PARD3: variants seen among roughly 807,000 people sequenced by gnomAD.
The protein encoded by PARD3 is par-3 family cell polarity regulator.
In PARD3, 75 loss-of-function variants were observed where a neutral mutation model predicts 155.4. That is an observed-to-expected ratio of 0.48 (90% confidence interval 0.40 to 0.58). The LOEUF (loss-of-function observed/expected upper bound fraction) is 0.58. Among genes scored for constraint, PARD3 ranks in the 20% least tolerant of loss-of-function variants. PARD3 has a pLI of 0.00. For synonymous variants in PARD3, 576 were observed against 610.5 expected, an observed-to-expected ratio of 0.94 and a Z score of 0.83; for missense variants, 1,642 against 1,721.7, an observed-to-expected ratio of 0.95 and a Z score of 0.82.
At chr10:34,773,516 G>A (rs1355379255) in intron 1 of PARD3, among the ~76,000 whole-genome samples, 1 of 152,194 alleles carries the variant, frequency 6.6e-6, no homozygotes, top group Admixed American at 6.5e-5. Flanking sequence ...CATTTTTGTA[G>A]ATCTTGATAA....
chr10:34,606,158 G>A (rs2090406551), intron 2 of PARD3, among the ~76,000 whole-genome samples: 2 of 1,314 alleles, frequency 1.5e-3, no homozygotes, highest in East Asian at 0.028. Flanking sequence ...AAAGGGAAAT[G>A]TGTGTGTGTG....
chr10:34,443,481 T>C (rs1340888690), intron 5 of PARD3, among the ~76,000 whole-genome samples: 1 of 152,132 alleles, frequency 6.6e-6, no homozygotes, highest in African/African-American at 2.4e-5. Flanking sequence ...TCCATGCGGC[T>C]AGGGAGGCCT....
intron 2 of PARD3, among the ~76,000 whole-genome samples, chr10:34,633,898 C>T (rs568114701): frequency 2.6e-5 from 4 of 152,308 alleles, no homozygotes; most frequent in South Asian, 4.1e-4. Context: ...TGACATTTCA[C>T]TGTGGCTTCA....
At chr10:34,602,613 A>C (rs781762017) in intron 2 of PARD3, among the ~76,000 whole-genome samples, 22 of 152,194 alleles carry the variant, frequency 1.4e-4, no homozygotes, top group Non-Finnish European at 1.5e-5. Flanking sequence ...CTACTGTTAC[A>C]CTCAACAACA....
At chr10:34,330,987 A>C in intron 19 of PARD3, 130 bp downstream of exon 19, 1 of 662,996 alleles carries the variant, frequency 1.5e-6, no homozygotes, top group Non-Finnish European at 2.6e-6. Context: ...ATGAAATAAG[A>C]GATTATTAGA....
At chr10:34,788,305 C>T (rs1038177830) in intron 1 of PARD3, among the ~76,000 whole-genome samples, 2 of 152,148 alleles carry the variant, frequency 1.3e-5, no homozygotes, top group African/African-American at 4.8e-5. Context: ...CCAGAAAGCG[C>T]AGGACCAGTT....
intron 1 of PARD3, among the ~76,000 whole-genome samples, chr10:34,778,222 C>CAAAA (rs1480359160): frequency 6.6e-5 from 10 of 152,186 alleles, no homozygotes; most frequent in East Asian, 3.8e-4. Flanking sequence ...TTAGGCAAGA[C>CAAAA]ATTTAAGCTT....
chr10:34,503,943 T>C (rs964970785), intron 3 of PARD3, among the ~76,000 whole-genome samples: 1 of 152,210 alleles, frequency 6.6e-6, no homozygotes, highest in African/African-American at 2.4e-5. Context: ...ATTCATTTCA[T>C]ATCTGGTTAA....
intron 20 of PARD3, among the ~76,000 whole-genome samples, chr10:34,293,584 G>A (rs1325635285): frequency 6.6e-6 from 1 of 152,140 alleles, no homozygotes; most frequent in Non-Finnish European, 1.5e-5. Context: ...AAATGATTTG[G>A]AGAGTGTCTT....
At chr10:34,249,765 C>A (rs1046712667) in intron 22 of PARD3, among the ~76,000 whole-genome samples, 1 of 152,132 alleles carries the variant, frequency 6.6e-6, no homozygotes, top group Admixed American at 6.5e-5. Context: ...GCACAAGCAT[C>A]CTATTAATCT....
chr10:34,173,017 A>C (rs766374493), intron 22 of PARD3, among the ~76,000 whole-genome samples: 5 of 152,234 alleles, frequency 3.3e-5, no homozygotes, highest in South Asian at 2.1e-4. Context: ...ATCACTTCAG[A>C]CATCAGAGAT....
At chr10:34,697,046 ACACACACACC>A (rs2094187474) in intron 1 of PARD3, among the ~76,000 whole-genome samples, 1 of 151,128 alleles carries the variant, frequency 6.6e-6, no homozygotes, top group South Asian at 2.1e-4. Flanking sequence ...ACACACACAC[ACACACACACC>A]CCCCTCAAAA....
chr10:34,599,538 T>C (rs1195467698), intron 2 of PARD3, among the ~76,000 whole-genome samples: 3 of 152,358 alleles, frequency 2.0e-5, no homozygotes, highest in African/African-American at 7.2e-5. Flanking sequence ...ACTAGGAATG[T>C]TGTTATCTTC....
At chr10:34,740,555 GTTC>G (rs2094990767) in intron 1 of PARD3, among the ~76,000 whole-genome samples, 1 of 151,944 alleles carries the variant, frequency 6.6e-6, no homozygotes, top group Admixed American at 6.6e-5. Context: ...GAGCTGAGCT[GTTC>G]TTCTGACTCC....
intron 20 of PARD3, among the ~76,000 whole-genome samples, chr10:34,287,946 C>T (rs180803024): frequency 3.3e-5 from 5 of 152,290 alleles, no homozygotes; most frequent in Non-Finnish European, 7.3e-5. Context: ...TGCAGTGGCT[C>T]ATGCCTGCAA....
At chr10:34,659,725 T>C (rs1206923962) in intron 2 of PARD3, among the ~76,000 whole-genome samples, 1 of 152,194 alleles carries the variant, frequency 6.6e-6, no homozygotes, top group Non-Finnish European at 1.5e-5. Context: ...CCACTCAGGA[T>C]AATACTATTA....
chr10:34,573,730 AACAAAAACACACACAC>A (rs1290627895), intron 2 of PARD3, among the ~76,000 whole-genome samples: 64 of 36,338 alleles, frequency 1.8e-3, no homozygotes, highest in African/African-American at 7.5e-3. Context: ...CAAACAAACA[AACAAAAACACACACAC>A]ACACACACAC....
chr10:34,730,754 T>C (rs1255643017), intron 1 of PARD3, among the ~76,000 whole-genome samples: 1 of 152,166 alleles, frequency 6.6e-6, no homozygotes, highest in Non-Finnish European at 1.5e-5. Context: ...AACACTGCAC[T>C]CAGCCAAGGT....
At chr10:34,533,967 T>C (rs1175998555) in intron 2 of PARD3, among the ~76,000 whole-genome samples, 1 of 152,162 alleles carries the variant, frequency 6.6e-6, no homozygotes, top group Non-Finnish European at 1.5e-5. Context: ...AAGCATTCAG[T>C]ACGTCGGCAA....
Sources: allele counts gnomAD v4.1 joint callset (sites outside exome capture counted in the v4.1 genomes callset), GRCh38; gene constraint gnomAD v4.1.1; transcripts MANE v1.5; gene names NCBI Gene and HGNC (gene_info 2026-07-23, HGNC 2026-07-21).